NCOA3: variants seen among roughly 807,000 people sequenced by gnomAD.
NCOA3 encodes the protein CBP-interacting protein.
NCOA3 carries 51 observed loss-of-function variants against 158.8 expected under a neutral mutation model. The observed-to-expected ratio is 0.32, with a 90% CI of 0.26 to 0.41. The LOEUF (loss-of-function observed/expected upper bound fraction) is 0.41. Ranked by LOEUF, NCOA3 falls within the 10% of genes least tolerant of loss-of-function variation. The pLI is 1.00. For missense variants in NCOA3, 1,510 were observed against 1,746.6 expected (o/e 0.86, Z 2.41); for synonymous variants, 537 against 592.4 (o/e 0.91, Z 1.36).
At chr20:47,618,869 C>T (rs2086189715) in intron 2 of NCOA3, among the ~76,000 whole-genome samples, 1 of 152,194 alleles carries the variant, frequency 6.6e-6, no homozygotes, top group African/African-American at 2.4e-5. Flanking sequence ...CTGGTTTAAA[C>T]TGATATTTGT....
intron 1 of NCOA3, among the ~76,000 whole-genome samples, chr20:47,555,334 A>G (rs905832816): frequency 6.6e-6 from 1 of 152,214 alleles, no homozygotes; most frequent in African/African-American, 2.4e-5. Context: ...TCTAGAAAAA[A>G]GAATATTGGA....
intron 1 of NCOA3, among the ~76,000 whole-genome samples, chr20:47,518,191 A>G (rs1236787393): frequency 2.0e-5 from 3 of 151,910 alleles, no homozygotes; most frequent in African/African-American, 2.4e-5. Flanking sequence ...TGCCAAAAAA[A>G]AAAAATTAGC....
chr20:47,566,884 T>A (rs765470941), intron 1 of NCOA3, among the ~76,000 whole-genome samples: 5 of 151,924 alleles, frequency 3.3e-5, no homozygotes, highest in Non-Finnish European at 5.9e-5. Context: ...CTTGGGAGAC[T>A]GAGGCAGGAA....
intron 2 of NCOA3, among the ~76,000 whole-genome samples, chr20:47,611,234 A>T (rs938391601): frequency 2.6e-5 from 4 of 152,180 alleles, no homozygotes; most frequent in Admixed American, 2.6e-4. Flanking sequence ...TTTAATTTAT[A>T]TCAGATTTCA....
intron 20 of NCOA3, among the ~76,000 whole-genome samples, chr20:47,651,967 T>C (rs1334448053): frequency 6.6e-6 from 1 of 152,026 alleles, no homozygotes; most frequent in Non-Finnish European, 1.5e-5. Context: ...TGCCCGGCCC[T>C]GGATTTATTA....
At chr20:47,618,922 G>A (rs1286204034) in intron 2 of NCOA3, among the ~76,000 whole-genome samples, 1 of 152,170 alleles carries the variant, frequency 6.6e-6, no homozygotes, top group Non-Finnish European at 1.5e-5. Flanking sequence ...TCATGACTTA[G>A]TTTTTCTATT....
At chr20:47,584,826 C>T (rs1418875676) in intron 2 of NCOA3, among the ~76,000 whole-genome samples, 1 of 151,918 alleles carries the variant, frequency 6.6e-6, no homozygotes, top group Non-Finnish European at 1.5e-5. Context: ...ATGTGTTGTA[C>T]AAGGGGTTAT....
At chr20:47,584,178 C>T (rs545240632) in intron 2 of NCOA3, among the ~76,000 whole-genome samples, 8 of 151,998 alleles carry the variant, frequency 5.3e-5, no homozygotes, top group Admixed American at 3.9e-4. Context: ...CGCTTGTAGT[C>T]CTAGCTGCTT....
In NCOA3 at chr20:47,656,407, A is replaced by C. The variant is rs1455118482; in HGVS notation, c.*2990A>C. On this transcript the variant is annotated 3_prime_UTR_variant, in exon 23 of 23. Coordinates refer to ENST00000371998, the MANE Select transcript of NCOA3 (RefSeq NM_181659.3). ...GGTATTACAGAAGATAATTGGCTTG[A>C]TGTCCTAGAAGTTCTTTGATCCAGA... 1 of 152,152 alleles carries C rather than the reference A, an allele frequency of 6.6e-6. No homozygotes were observed. Among genetic ancestry groups the C allele is most frequent in the Non-Finnish European group, 1.5e-5 (1 of 68,028 alleles). The allele number at this position is 152,152 out of a possible 1,614,324, so 9.4% of individuals were successfully genotyped here. A position where few individuals can be genotyped will look rare whatever the true frequency, so the allele number is the denominator to read the frequency against.
intron 1 of NCOA3, among the ~76,000 whole-genome samples, chr20:47,570,007 C>T (rs937416955): frequency 1.3e-5 from 2 of 149,362 alleles, no homozygotes; most frequent in South Asian, 2.1e-4. Flanking sequence ...GAGACTCCGT[C>T]TCAAAAAAAA....
intron 5 of NCOA3, 24 bp from the exon 6 acceptor site, chr20:47,626,978 C>G (rs764926456): frequency 2.0e-5 from 32 of 1,589,074 alleles, no homozygotes; most frequent in Non-Finnish European, 2.7e-5. Context: ...CCATAACAGC[C>G]TGTATTAACA....
chr20:47,515,345 T>C (rs1414288181), intron 1 of NCOA3, among the ~76,000 whole-genome samples: 1 of 151,620 alleles, frequency 6.6e-6, no homozygotes, highest in Non-Finnish European at 1.5e-5. Flanking sequence ...GTATTTTTAG[T>C]AGAGATGGGG....
chr20:47,557,178 A>G (rs1274196054), intron 1 of NCOA3, among the ~76,000 whole-genome samples: 2 of 152,186 alleles, frequency 1.3e-5, no homozygotes, highest in Non-Finnish European at 2.9e-5. Flanking sequence ...TGTCCAAGGG[A>G]TATCTTTCAT....
chr20:47,575,738 A>G (rs907468590), intron 1 of NCOA3, among the ~76,000 whole-genome samples: 1 of 152,220 alleles, frequency 6.6e-6, no homozygotes, highest in Non-Finnish European at 1.5e-5. Context: ...AATTTAAGTC[A>G]ATGAGTCTGT....
chr20:47,589,423 T>A (rs1023998591), intron 2 of NCOA3, among the ~76,000 whole-genome samples: 1 of 152,170 alleles, frequency 6.6e-6, no homozygotes, highest in African/African-American at 2.4e-5. Flanking sequence ...TCACTCAGGC[T>A]GACGTGCAGT....
intron 1 of NCOA3, among the ~76,000 whole-genome samples, chr20:47,540,017 T>A (rs1328331271): frequency 6.6e-6 from 1 of 152,232 alleles, no homozygotes; most frequent in Non-Finnish European, 1.5e-5. Flanking sequence ...ATTACTATCT[T>A]CATTTGAGAG....
chr20:47,601,700 A>G (rs530441225), intron 2 of NCOA3, among the ~76,000 whole-genome samples: 30 of 152,350 alleles, frequency 2.0e-4, no homozygotes, highest in African/African-American at 7.2e-4. Flanking sequence ...GAATCTGTGT[A>G]ATATTTAACA....
intron 1 of NCOA3, among the ~76,000 whole-genome samples, chr20:47,566,103 A>G (rs2085190555): frequency 6.6e-6 from 1 of 152,058 alleles, no homozygotes; most frequent in African/African-American, 2.4e-5. Flanking sequence ...TTGTATTTTC[A>G]GTAGAGATGG....
intron 1 of NCOA3, among the ~76,000 whole-genome samples, chr20:47,569,172 C>T (rs1344653249): frequency 6.6e-6 from 1 of 151,922 alleles, no homozygotes; most frequent in Non-Finnish European, 1.5e-5. Context: ...ATAGCAAGAC[C>T]CCATCTCTAT....
Sources: allele counts gnomAD v4.1 joint callset (sites outside exome capture counted in the v4.1 genomes callset), GRCh38; gene constraint gnomAD v4.1.1; transcripts MANE v1.5; gene names NCBI Gene and HGNC (gene_info 2026-07-23, HGNC 2026-07-21).